STPG2: variants seen among roughly 807,000 people sequenced by gnomAD.
STPG2 encodes the protein sperm tail PG-rich repeat containing 2, also known as sperm-tail PG-rich repeat-containing protein 2.
A neutral mutation model predicts 54.2 loss-of-function variants in STPG2; 56 were observed. The ratio of observed to expected loss-of-function variants is 1.03; its 90% CI spans 0.83 to 1.29. The LOEUF is 1.29. Ranked by LOEUF, STPG2 falls within the 50% of genes most tolerant of loss-of-function variation. The pLI, the probability that STPG2 is intolerant of heterozygous loss-of-function variation, is 0.00. For synonymous variants in STPG2, 200 were observed against 181.8 expected (o/e 1.10, Z -0.81); for missense variants, 596 against 544.9 (o/e 1.09, Z -0.93).
At chr4:97,922,355 A>T (rs2149210778) in intron 8 of STPG2, among the ~76,000 whole-genome samples, 1 of 152,292 alleles carries the variant, frequency 6.6e-6, no homozygotes, top group South Asian at 2.1e-4. Flanking sequence ...CAACAACCAT[A>T]AATTTAAAAT....
chr4:97,860,030 T>C (rs914272320), intron 8 of STPG2, among the ~76,000 whole-genome samples: 1 of 152,230 alleles, frequency 6.6e-6, no homozygotes, highest in Non-Finnish European at 1.5e-5. Context: ...AAAGATCAGT[T>C]GCCTGAAAGA....
At chr4:97,679,494 T>C (rs1722960198) in intron 10 of STPG2, among the ~76,000 whole-genome samples, 2 of 151,770 alleles carry the variant, frequency 1.3e-5, no homozygotes, top group South Asian at 4.2e-4. Flanking sequence ...TCTTGTAAAT[T>C]TGTTTGAGTT....
chr4:97,981,989 A>G (rs1734696902), intron 5 of STPG2, among the ~76,000 whole-genome samples: 1 of 149,820 alleles, frequency 6.7e-6, no homozygotes, highest in Admixed American at 6.7e-5. Context: ...GGTTCACACC[A>G]TTTTCCCGCC....
At chr4:97,829,824 GA>G (rs1004291027) in intron 9 of STPG2, among the ~76,000 whole-genome samples, 4 of 151,728 alleles carry the variant, frequency 2.6e-5, no homozygotes, top group African/African-American at 7.3e-5. Context: ...GAAAATGAGA[GA>G]AAAAAATGAA....
chr4:98,063,462 A>C (rs938632244), intron 5 of STPG2, among the ~76,000 whole-genome samples: 1 of 152,142 alleles, frequency 6.6e-6, no homozygotes, highest in South Asian at 2.1e-4. Flanking sequence ...AAAAAAAGTC[A>C]ATCTAAAGTA....
At chr4:97,529,233 A>G (rs910155616) in intron 4 of STPG2, among the ~76,000 whole-genome samples, 1 of 152,252 alleles carries the variant, frequency 6.6e-6, no homozygotes, top group East Asian at 1.9e-4. Flanking sequence ...GCATCTATGG[A>G]GATAATCATG....
chr4:97,863,569 T>A (rs1360182427), intron 8 of STPG2, among the ~76,000 whole-genome samples: 1 of 151,910 alleles, frequency 6.6e-6, no homozygotes, highest in Non-Finnish European at 1.5e-5. Flanking sequence ...GTCAATAGAA[T>A]AAGAGGGAAT....
chr4:97,638,020 G>T (rs2148941764), intron 10 of STPG2, among the ~76,000 whole-genome samples: 1 of 152,066 alleles, frequency 6.6e-6, no homozygotes, highest in South Asian at 2.1e-4. Flanking sequence ...AACCAAAAAA[G>T]AGCCCGCATC....
At chr4:97,712,099 C>T (rs1404433307) in intron 10 of STPG2, among the ~76,000 whole-genome samples, 1 of 152,108 alleles carries the variant, frequency 6.6e-6, no homozygotes, top group Non-Finnish European at 1.5e-5. Context: ...TTACAAATCA[C>T]TATAAAATAT....
intron 10 of STPG2, among the ~76,000 whole-genome samples, chr4:97,662,077 T>A (rs1722390375): frequency 6.6e-6 from 1 of 152,138 alleles, no homozygotes; most frequent in Non-Finnish European, 1.5e-5. Context: ...GCAAAATAAA[T>A]TATCAATAGA....
chr4:97,635,436 C>G (rs1189832805), intron 10 of STPG2, among the ~76,000 whole-genome samples: 1 of 152,100 alleles, frequency 6.6e-6, no homozygotes, highest in African/African-American at 2.4e-5. Flanking sequence ...CATCAACTAA[C>G]GAGCAAAATA....
intron 10 of STPG2, among the ~76,000 whole-genome samples, chr4:97,634,904 G>A (rs968178724): frequency 2.0e-5 from 3 of 151,914 alleles, no homozygotes; most frequent in African/African-American, 4.8e-5. Flanking sequence ...GAACCAAGTT[G>A]GAAAACACTC....
rs551975576 is a variant in STPG2 at position 97,958,743 on chromosome 4, G to T, written c.933+13537C>A. On this transcript the variant is annotated intron_variant, in intron 7 of 10. Coordinates refer to ENST00000295268, the MANE Select transcript of STPG2 (RefSeq NM_174952.3). The stretch of plus-strand genomic sequence containing the variant: ...ATAAAACAATTACTACTAGACGTAA[G>T]AAATGAGATAGACAGCAACACAATA... Among the ~76,000 whole-genome samples, 4 of 152,294 alleles carry T rather than the reference G, an allele frequency of 2.6e-5. No homozygotes were observed. The East Asian group carries it at 7.7e-4, about 29-fold the overall frequency.
chr4:97,852,084 G>T (rs1193340256), intron 8 of STPG2, among the ~76,000 whole-genome samples: 1 of 152,128 alleles, frequency 6.6e-6, no homozygotes, highest in Non-Finnish European at 1.5e-5. Context: ...CCTAGTACCA[G>T]TTGAACAGAT....
chr4:98,078,102 G>A (rs1029281924), intron 5 of STPG2, among the ~76,000 whole-genome samples: 10 of 151,464 alleles, frequency 6.6e-5, no homozygotes, highest in Non-Finnish European at 1.5e-4. Flanking sequence ...GAGAGAGAGA[G>A]AAAAAAAAGA....
At chr4:98,009,088 T>C (rs868210300) in intron 5 of STPG2, among the ~76,000 whole-genome samples, 8 of 152,168 alleles carry the variant, frequency 5.3e-5, no homozygotes, top group South Asian at 4.1e-4. Flanking sequence ...CCAACTCTTA[T>C]TTTCATTTAT....
intron 9 of STPG2, among the ~76,000 whole-genome samples, chr4:97,773,754 C>A (rs112311284): frequency 6.6e-6 from 1 of 152,074 alleles, no homozygotes; most frequent in Admixed American, 6.6e-5. Flanking sequence ...TTAAGCATTG[C>A]AAGGTGATGT....
In STPG2 at chr4:97,840,777, C is replaced by A; in HGVS notation, c.1200G>T (p.Gly400=). The change falls in exon 9 of 11, where the codon GGG becomes GGT. Residue 400 remains glycine, a synonymous_variant. Transcript: ENST00000295268. The part of the protein sequence containing the change: ...TPRCLEKVTD[G]PGPAAYNPVL... Reference sequence around the variant, plus strand: ...TATAAGGACTTCTAGACTTACCTGGCCCATCAGTCACTTTTTCTAGGCACC... The same window carrying A: ...TATAAGGACTTCTAGACTTACCTGGACCATCAGTCACTTTTTCTAGGCACC... The A allele has an allele frequency of 6.2e-7, 1 of 1,610,686 alleles. No individual in the cohort carries two copies. The highest frequency in any genetic ancestry group is 1.1e-5 in the South Asian group (1 of 90,870).
chr4:97,967,628 T>C (rs1353129993), intron 7 of STPG2, among the ~76,000 whole-genome samples: 6 of 152,020 alleles, frequency 3.9e-5, no homozygotes, highest in Admixed American at 1.3e-4. Flanking sequence ...CCTCAGCAAA[T>C]GCAAAAGAAC....
Sources: gnomAD v4.1 joint callset for allele counts (sites outside exome capture counted in the v4.1 genomes callset) on GRCh38, gnomAD v4.1.1 for gene constraint, MANE v1.5 for transcripts, NCBI Gene and HGNC (gene_info 2026-07-23, HGNC 2026-07-21) for gene names.